ZNF385C: variants seen among roughly 807,000 people sequenced by gnomAD.
The protein encoded by ZNF385C is zinc finger protein 385C.
Under a neutral mutation model 35.4 loss-of-function variants are expected in ZNF385C, and 28 were observed. The ratio of observed to expected loss-of-function variants is 0.79; its 90% CI spans 0.59 to 1.08. The LOEUF (loss-of-function observed/expected upper bound fraction) is 1.08, where lower values mean the gene tolerates loss of function less well. Ranked by LOEUF, ZNF385C falls within the 50% of genes least tolerant of loss-of-function variation. The probability of loss-of-function intolerance (pLI) is 0.00; values close to 1 mark genes in which losing one functional copy is unlikely to be tolerated. For synonymous variants in ZNF385C, 248 were observed against 248.2 expected (o/e 1.00, Z 0.01); for missense variants, 605 against 595.6 (o/e 1.02, Z -0.16).
chr17:42,079,233 T>C (rs548443029), intron 1 of ZNF385C, among the ~76,000 whole-genome samples: 50 of 141,294 alleles, frequency 3.5e-4, no homozygotes, highest in East Asian at 1.6e-3. Context: ...TATATATATA[T>C]ACACACATAT....
At chr17:42,084,181 GAA>G (rs201699529) in intron 1 of ZNF385C, among the ~76,000 whole-genome samples, 13 of 141,276 alleles carry the variant, frequency 9.2e-5, no homozygotes, top group African/African-American at 2.3e-4. Flanking sequence ...CCTCATATCT[GAA>G]AAAAAAAAAA....
intron 3 of ZNF385C, among the ~76,000 whole-genome samples, chr17:42,037,092 C>A (rs117656491): frequency 3.9e-5 from 6 of 152,142 alleles, no homozygotes; most frequent in Non-Finnish European, 7.4e-5. Flanking sequence ...CTCAGACAAG[C>A]AGAACAATTC....
chr17:42,053,967 A>C (rs1555657345), intron 2 of ZNF385C, among the ~76,000 whole-genome samples: 1 of 151,428 alleles, frequency 6.6e-6, no homozygotes, highest in Non-Finnish European at 1.5e-5. Context: ...CGAGGGAGGG[A>C]CTCCTGGTTC....
chr17:42,042,825 G>C, intron 2 of ZNF385C: 1 of 1,232,190 alleles, frequency 8.1e-7, no homozygotes, highest in Non-Finnish European at 1.0e-6. Context: ...ACTTCTGGCT[G>C]TCACCCACCT....
chr17:42,071,135 G>A (rs369146281), intron 1 of ZNF385C, among the ~76,000 whole-genome samples: 1 of 152,170 alleles, frequency 6.6e-6, no homozygotes, highest in African/African-American at 2.4e-5. Flanking sequence ...CAGGAGGCCC[G>A]GGGGCTAGGC....
At chr17:42,092,296 G>A (rs1251441369) in intron 1 of ZNF385C, among the ~76,000 whole-genome samples, 39 of 152,186 alleles carry the variant, frequency 2.6e-4, no homozygotes, top group Middle Eastern at 3.4e-3. Flanking sequence ...AGCTACTCAG[G>A]AGGCTGAGGC....
chr17:42,035,596 G>A (rs150703413), intron 3 of ZNF385C, among the ~76,000 whole-genome samples: 6,541 of 146,660 alleles, frequency 0.045, 209 homozygotes, highest in African/African-American at 0.085. Flanking sequence ...CTGTCGCCCA[G>A]GCTGGAGTGC....
chr17:42,063,426 G>A (rs2053495353), intron 1 of ZNF385C, among the ~76,000 whole-genome samples: 2 of 152,216 alleles, frequency 1.3e-5, no homozygotes, highest in Non-Finnish European at 2.9e-5. Context: ...TACTCAGGAG[G>A]CTGATGCAGG....
In ZNF385C at chr17:42,028,945, A is replaced by G. The variant is rs2052664367; in HGVS notation, c.805T>C (p.Cys269Arg). Residue 269 changes from cysteine (C) to arginine (R), a missense_variant, in exon 6 of 9, where the codon TGC becomes CGC. Cys to Arg is a radical substitution (Grantham distance 180). Transcript: ENST00000692273. ...GCCTCTCTCCCAGGCTCTGGGGAGC[A>G]AGGTGGGCAGGAGGAAGAAGAGGAT... ...SSSSSSSCPPCSPEPGREAPG... is the reference protein window; with the variant it reads ...SSSSSSSCPPRSPEPGREAPG... 6.4e-7 allele frequency: 1 copy of G among 1,550,610 alleles called. No individual in the cohort carries two copies. Among genetic ancestry groups the G allele is most frequent in the Non-Finnish European group, 8.7e-7 (1 of 1,147,006 alleles).
chr17:42,058,403 G>A (rs2053412821), intron 2 of ZNF385C, among the ~76,000 whole-genome samples: 1 of 152,226 alleles, frequency 6.6e-6, no homozygotes, highest in African/African-American at 2.4e-5. Context: ...GACACTGAGT[G>A]CCTAGGACCA....
At chr17:42,079,760 A>G (rs1555659594) in intron 1 of ZNF385C, among the ~76,000 whole-genome samples, 1 of 152,180 alleles carries the variant, frequency 6.6e-6, no homozygotes, top group Non-Finnish European at 1.5e-5. Context: ...TTACAGCAGG[A>G]GGGATGGTGA....
chr17:42,039,553 G>T, intron 2 of ZNF385C: 9 of 635,832 alleles, frequency 1.4e-5, no homozygotes, highest in Non-Finnish European at 1.8e-5. Context: ...GGGGGGGGTT[G>T]GTGGGAAGCT....
intron 2 of ZNF385C, chr17:42,043,460 G>A (rs1443644074): frequency 1.2e-5 from 14 of 1,167,438 alleles, no homozygotes; most frequent in Admixed American, 4.2e-5. Context: ...CACCTCCCTT[G>A]ACAAGGAGAG....
intron 2 of ZNF385C, among the ~76,000 whole-genome samples, chr17:42,044,998 A>C (rs2053122023): frequency 6.6e-6 from 1 of 151,502 alleles, no homozygotes; most frequent in South Asian, 2.1e-4. Context: ...GCTCACTGCA[A>C]GCTCTGCCTC....
intron 1 of ZNF385C, among the ~76,000 whole-genome samples, chr17:42,084,695 C>T (rs1208473476): frequency 6.6e-6 from 1 of 152,094 alleles, no homozygotes; most frequent in Non-Finnish European, 1.5e-5. Flanking sequence ...ACTGCAGCCT[C>T]CACCTCCTGG....
intron 1 of ZNF385C, among the ~76,000 whole-genome samples, chr17:42,071,200 A>G (rs1355040283): frequency 6.6e-6 from 1 of 151,764 alleles, no homozygotes; most frequent in East Asian, 1.9e-4. Context: ...CCAAGGCACC[A>G]TGTCTGTCTT....
Position 42,062,949 on chromosome 17 carries a change from T to C in ZNF385C, c.108A>G (p.Glu36=), listed in dbSNP as rs1555658128. The C allele has an allele frequency of 1.4e-6, 1 of 695,422 alleles. No individual in the cohort carries two copies. The highest frequency in any genetic ancestry group is 2.6e-6 in the Non-Finnish European group (1 of 381,466). The allele number at this position is 695,422 out of a possible 1,614,324, so 43.1% of individuals were successfully genotyped here. Reference sequence around the variant, plus strand: ...AGAGCGTGTACGATGGCCGCTTTCTTTCTCGCTTGGGCTTAGGTGGTTCTG... The same window carrying C: ...AGAGCGTGTACGATGGCCGCTTTCTCTCTCGCTTGGGCTTAGGTGGTTCTG... ...RPPEPPKPKR[E]RKRPSYTLCD... is the part of the protein sequence containing the mutation. Residue 36 remains glutamate, a synonymous_variant, in exon 2 of 9, where the codon GAA becomes GAG. Coordinates refer to ENST00000692273, the MANE Select transcript of ZNF385C (RefSeq NM_001392013.1).
At chr17:42,079,891 C>G (rs1555659605) in intron 1 of ZNF385C, among the ~76,000 whole-genome samples, 1 of 152,150 alleles carries the variant, frequency 6.6e-6, no homozygotes, top group Non-Finnish European at 1.5e-5. Context: ...TCCACTCTCC[C>G]AACCCAGGGT....
chr17:42,063,093 A>G, intron 1 of ZNF385C, 35 bp from the exon 2 acceptor site: 2 of 588,498 alleles, frequency 3.4e-6, no homozygotes, highest in Non-Finnish European at 6.1e-6. Context: ...ATGAACGCCA[A>G]ATGGTTGCGA....
Sources: allele counts gnomAD v4.1 joint callset (sites outside exome capture counted in the v4.1 genomes callset), GRCh38; gene constraint gnomAD v4.1.1; transcripts MANE v1.5; gene names NCBI Gene and HGNC (gene_info 2026-07-23, HGNC 2026-07-21).